Variants in GRIK2 observed in about 807,000 individuals in gnomAD.
The protein encoded by GRIK2 is glutamate ionotropic receptor kainate type subunit 2.
A neutral mutation model predicts 100.3 loss-of-function variants in GRIK2; 32 were observed. The ratio of observed to expected loss-of-function variants is 0.32; its 90% CI spans 0.24 to 0.43. The LOEUF (loss-of-function observed/expected upper bound fraction) is 0.43. GRIK2 is among the 20% of genes least tolerant of loss of function. The pLI, the probability that GRIK2 is intolerant of heterozygous loss-of-function variation, is 1.00. For missense variants in GRIK2, 843 were observed against 1,114.9 expected (o/e 0.76, Z 3.47); for synonymous variants, 417 against 389.4 (o/e 1.07, Z -0.83).
intron 2 of GRIK2, among the ~76,000 whole-genome samples, chr6:101,555,574 A>C (rs1442678224): frequency 6.6e-5 from 10 of 152,222 alleles, no homozygotes; most frequent in Admixed American, 6.5e-4. Flanking sequence ...CTAAAATTTT[A>C]TGTAATAGTC....
chr6:101,665,626 A>C (rs1271584553), intron 4 of GRIK2, among the ~76,000 whole-genome samples: 1 of 152,212 alleles, frequency 6.6e-6, no homozygotes, highest in Admixed American at 6.5e-5. Flanking sequence ...AAGGTTATGA[A>C]TTGCTGTTGG....
chr6:101,459,621 T>C (rs1197187252), intron 2 of GRIK2, among the ~76,000 whole-genome samples: 2 of 152,078 alleles, frequency 1.3e-5, no homozygotes, highest in Non-Finnish European at 1.5e-5. Context: ...ACCCTCAACT[T>C]TATAGGAAGT....
chr6:101,595,040 GT>G (rs1259068206), intron 2 of GRIK2, among the ~76,000 whole-genome samples: 1 of 151,422 alleles, frequency 6.6e-6, no homozygotes, highest in Non-Finnish European at 1.5e-5. Context: ...AAAGAGGGAG[GT>G]TAAGGTACCG....
At chr6:101,844,072 T>C (rs1198036861) in intron 10 of GRIK2, among the ~76,000 whole-genome samples, 1 of 152,144 alleles carries the variant, frequency 6.6e-6, no homozygotes, top group African/African-American at 2.4e-5. Context: ...TATGACCTCA[T>C]TTTTAATTTT....
intron 2 of GRIK2, among the ~76,000 whole-genome samples, chr6:101,578,007 T>C (rs537455785): frequency 3.3e-5 from 5 of 152,114 alleles, no homozygotes; most frequent in Non-Finnish European, 7.4e-5. Flanking sequence ...ATCCATGCAG[T>C]GTGATGGATG....
chr6:101,967,518 A>G (rs1320686045), intron 14 of GRIK2, among the ~76,000 whole-genome samples: 2 of 152,108 alleles, frequency 1.3e-5, no homozygotes, highest in Non-Finnish European at 2.9e-5. Flanking sequence ...TCCTCTGGAT[A>G]TAGAAGTGAA....
intron 2 of GRIK2, among the ~76,000 whole-genome samples, chr6:101,550,746 C>A (rs1421182509): frequency 1.3e-5 from 2 of 152,114 alleles, no homozygotes; most frequent in Non-Finnish European, 2.9e-5. Flanking sequence ...ACACTGAAAG[C>A]AGACTGTAGC....
chr6:101,413,515 T>C (rs951850442), intron 2 of GRIK2, among the ~76,000 whole-genome samples: 2 of 152,140 alleles, frequency 1.3e-5, no homozygotes, highest in Non-Finnish European at 2.9e-5. Flanking sequence ...AAAAGCAAGA[T>C]ATAATTAAAA....
intron 2 of GRIK2, among the ~76,000 whole-genome samples, chr6:101,445,824 T>A (rs932237609): frequency 5.3e-5 from 8 of 152,110 alleles, no homozygotes; most frequent in Non-Finnish European, 1.0e-4. Flanking sequence ...ATAGAAACTA[T>A]TTTTATGCGA....
At chr6:101,797,758 T>TTTATATA (rs1250486659) in intron 7 of GRIK2, among the ~76,000 whole-genome samples, 1 of 147,104 alleles carries the variant, frequency 6.8e-6, no homozygotes, top group Non-Finnish European at 1.5e-5. Context: ...TAATAATGGT[T>TTTATATA]TTATATATTA....
rs1356266835 is a variant in GRIK2, at chr6:101,635,090, ATAATTTCCATT to A, written c.541+8455_541+8465del. 2.4e-4 allele frequency among the ~76,000 whole-genome samples: 36 copies of A among 152,218 alleles called. 1 individual carries two copies. The highest frequency in any genetic ancestry group is 7.9e-4 in the African/African-American group (33 of 41,570). ...TTTATATTATGAAGCATACAATCAA[ATAATTTCCATT>A]TTATTTTAGGGAGTGGGGTAATTTG... On this transcript the variant is annotated intron_variant, in intron 4 of 16. Transcript: ENST00000369134.
At chr6:101,613,558 A>T (rs994723660) in intron 2 of GRIK2, among the ~76,000 whole-genome samples, 1 of 151,828 alleles carries the variant, frequency 6.6e-6, no homozygotes, top group African/African-American at 2.4e-5. Context: ...TTGTAAAAAA[A>T]TTTTAAAAAA....
At chr6:101,482,152 A>G (rs1772565476) in intron 2 of GRIK2, among the ~76,000 whole-genome samples, 1 of 152,206 alleles carries the variant, frequency 6.6e-6, no homozygotes, top group South Asian at 2.1e-4. Flanking sequence ...GTTATTATAC[A>G]CACTAGTGAA....
intron 4 of GRIK2, 90 bp downstream of exon 4, chr6:101,626,727 C>G (rs1247521288): frequency 8.5e-7 from 1 of 1,175,588 alleles, no homozygotes; most frequent in Non-Finnish European, 1.2e-6. Context: ...TTCTTATGTG[C>G]TTTATTTTGA....
intron 7 of GRIK2, among the ~76,000 whole-genome samples, chr6:101,757,163 G>A (rs763257575): frequency 3.9e-5 from 6 of 152,020 alleles, no homozygotes; most frequent in Non-Finnish European, 7.4e-5. Context: ...ATGCTTTGTG[G>A]CCTTTGAACT....
At chr6:101,432,908 C>G (rs1349114851) in intron 2 of GRIK2, among the ~76,000 whole-genome samples, 1 of 151,734 alleles carries the variant, frequency 6.6e-6, no homozygotes, top group Non-Finnish European at 1.5e-5. Context: ...ACATATAAAA[C>G]AGAGGAAGAA....
chr6:101,524,827 G>A (rs920153315), intron 2 of GRIK2, among the ~76,000 whole-genome samples: 15 of 151,622 alleles, frequency 9.9e-5, no homozygotes, highest in Non-Finnish European at 5.9e-5. Context: ...CGCCTCCTGG[G>A]TTCAAACGAT....
chr6:101,908,442 A>C (rs1246021757), intron 12 of GRIK2, among the ~76,000 whole-genome samples: 1 of 145,848 alleles, frequency 6.9e-6, no homozygotes. Context: ...AGGAGGAAAG[A>C]TTTTTGTTGT....
At position 101,651,201 on chromosome 6, in the gene GRIK2, G is replaced by A. The variant is rs11755761; in HGVS notation, c.541+24564G>A. Among the ~76,000 whole-genome samples, 263 of 152,072 alleles carry A rather than the reference G, an allele frequency of 1.7e-3. 1 individual carries two copies. The highest frequency in any genetic ancestry group is 2.6e-3 in the Non-Finnish European group (179 of 67,968). On this transcript the variant is annotated intron_variant, in intron 4 of 16. Coordinates refer to ENST00000369134, the MANE Select transcript of GRIK2 (RefSeq NM_021956.5). Reference sequence around the variant, plus strand: ...AATCCTTAGAAAAAACAATGCCTTAGCATTTTGGGTCTATTCTACTCACTT... The same window carrying A: ...AATCCTTAGAAAAAACAATGCCTTAACATTTTGGGTCTATTCTACTCACTT...
Sources: allele counts gnomAD v4.1 joint callset (sites outside exome capture counted in the v4.1 genomes callset), GRCh38; gene constraint gnomAD v4.1.1; transcripts MANE v1.5; gene names NCBI Gene and HGNC (gene_info 2026-07-23, HGNC 2026-07-21).